SHANK2: variants seen among roughly 807,000 people sequenced by gnomAD.
The protein encoded by SHANK2 is SH3 and multiple ankyrin repeat domains protein 2.
SHANK2 carries 43 observed loss-of-function variants against 133.7 expected under a neutral mutation model. That is an observed-to-expected ratio of 0.32 (90% CI 0.25 to 0.41). The LOEUF is 0.41. SHANK2 is among the 10% of genes least tolerant of loss of function. The pLI is 1.00. For synonymous variants in SHANK2, 1,017 were observed against 952.8 expected (o/e 1.07, Z -1.24); for missense variants, 1,994 against 2,235.8 (o/e 0.89, Z 2.18).
intron 17 of SHANK2, among the ~76,000 whole-genome samples, chr11:70,550,622 C>T (rs1226362444): frequency 2.0e-5 from 3 of 152,188 alleles, no homozygotes; most frequent in East Asian, 3.9e-4. Flanking sequence ...GTCCCGGATT[C>T]GCGTGGGTTG....
chr11:70,495,527 C>T (rs1315104084), intron 21 of SHANK2, among the ~76,000 whole-genome samples: 3 of 152,154 alleles, frequency 2.0e-5, no homozygotes, highest in African/African-American at 7.2e-5. Flanking sequence ...CGCTGGTGGC[C>T]CCCAGAGTAT....
intron 1 of SHANK2, among the ~76,000 whole-genome samples, chr11:71,244,250 A>AC (rs1954931333): frequency 6.6e-6 from 1 of 152,096 alleles, no homozygotes; most frequent in Non-Finnish European, 1.5e-5. Flanking sequence ...ACCATCCTAG[A>AC]CCCCACAATC....
chr11:71,194,073 T>A (rs1032580158), intron 2 of SHANK2, among the ~76,000 whole-genome samples: 1 of 152,158 alleles, frequency 6.6e-6, no homozygotes, highest in African/African-American at 2.4e-5. Flanking sequence ...CGTTCCCATT[T>A]TCCATGGAAA....
At chr11:71,145,817 G>A (rs1189356968) in intron 3 of SHANK2, among the ~76,000 whole-genome samples, 2 of 152,150 alleles carry the variant, frequency 1.3e-5, no homozygotes, top group African/African-American at 2.4e-5. Context: ...CATAGAGGTC[G>A]GGGTGGATGC....
At chr11:70,888,632 C>T (rs1172389345) in intron 11 of SHANK2, among the ~76,000 whole-genome samples, 2 of 152,032 alleles carry the variant, frequency 1.3e-5, no homozygotes, top group African/African-American at 4.8e-5. Flanking sequence ...GCCTGACCAA[C>T]ATGGTGAAAC....
At chr11:70,661,457 A>C in intron 16 of SHANK2, 139 bp downstream of exon 16, 1 of 903,672 alleles carries the variant, frequency 1.1e-6, no homozygotes, top group Non-Finnish European at 1.7e-6. Context: ...ATGCTTATTT[A>C]ATGCTTATTC....
At chr11:70,946,126 G>T (rs1437255267) in intron 10 of SHANK2, among the ~76,000 whole-genome samples, 4 of 64,794 alleles carry the variant, frequency 6.2e-5, no homozygotes, top group Non-Finnish European at 1.2e-4. Context: ...GACACAACCT[G>T]CCTCTCCGCT....
At chr11:70,749,048 G>A (rs995966926) in intron 14 of SHANK2, among the ~76,000 whole-genome samples, 1 of 152,234 alleles carries the variant, frequency 6.6e-6, no homozygotes, top group Non-Finnish European at 1.5e-5. Flanking sequence ...AGAGCAGTCA[G>A]ATGGGCTCAG....
intron 2 of SHANK2, among the ~76,000 whole-genome samples, chr11:71,159,074 T>C (rs1481799486): frequency 6.6e-6 from 1 of 152,238 alleles, no homozygotes. Flanking sequence ...TGTAAGAAGA[T>C]AGCACAGACT....
Position 70,629,378 on chromosome 11 carries a change from CTTGGTGATGAG to C in SHANK2, c.2061+30439_2061+30449del, listed in dbSNP as rs1290279042. On this transcript the variant is annotated intron_variant, in intron 17 of 25. Coordinates refer to ENST00000601538, the MANE Select transcript of SHANK2 (RefSeq NM_012309.5). The stretch of plus-strand genomic sequence containing the variant: ...CAGTTCTCTGTCATTTAACCTAGTG[CTTGGTGATGAG>C]GACACAGAATAGAGTGTGGCTCTGC... Among the ~76,000 whole-genome samples, 253 of 152,362 alleles carry C rather than the reference CTTGGTGATGAG, an allele frequency of 1.7e-3. 3 individuals carry two copies. The highest frequency in any genetic ancestry group is 5.8e-3 in the African/African-American group (241 of 41,582).
At chr11:70,540,608 C>T (rs1456640012) in intron 17 of SHANK2, among the ~76,000 whole-genome samples, 1 of 152,156 alleles carries the variant, frequency 6.6e-6, no homozygotes, top group Non-Finnish European at 1.5e-5. Flanking sequence ...TCAGCCCCAC[C>T]CAGGGCTGCA....
chr11:71,112,849 G>A (rs1463368855), intron 5 of SHANK2, among the ~76,000 whole-genome samples: 1 of 152,068 alleles, frequency 6.6e-6, no homozygotes, highest in Non-Finnish European at 1.5e-5. Context: ...TGAACACTCT[G>A]TGCAACGCCC....
intron 17 of SHANK2, among the ~76,000 whole-genome samples, chr11:70,594,676 G>A (rs781808863): frequency 6.6e-6 from 1 of 152,158 alleles, no homozygotes. Context: ...ACTGGGAACT[G>A]GATAAAAGTT....
intron 11 of SHANK2, chr11:70,864,086 T>G (rs1949308719): frequency 6.3e-6 from 2 of 319,800 alleles, no homozygotes; most frequent in Non-Finnish European, 1.2e-5. Context: ...GACCCTCCAG[T>G]TCGGGGTGCC....
At chr11:70,566,520 GCAT>G (rs1252175857) in intron 17 of SHANK2, 1 of 152,186 alleles carries the variant, frequency 6.6e-6, no homozygotes, top group East Asian at 1.9e-4. Context: ...ATTCGCAGAA[GCAT>G]GGCTCCCACT....
At chr11:70,529,980 G>A (rs1376895755) in intron 17 of SHANK2, among the ~76,000 whole-genome samples, 2 of 152,158 alleles carry the variant, frequency 1.3e-5, no homozygotes, top group African/African-American at 2.4e-5. Flanking sequence ...GTAGGATGGT[G>A]CGGCTGCTAT....
At chr11:70,925,302 A>G (rs939365003) in intron 10 of SHANK2, among the ~76,000 whole-genome samples, 3 of 152,288 alleles carry the variant, frequency 2.0e-5, no homozygotes, top group Middle Eastern at 3.4e-3. Context: ...AGAAAAAAAC[A>G]AGCATTTTTA....
intron 15 of SHANK2, among the ~76,000 whole-genome samples, chr11:70,686,280 A>C (rs1190431603): frequency 1.0e-5 from 1 of 96,596 alleles, no homozygotes; most frequent in Non-Finnish European, 1.9e-5. Context: ...CTCCCTATCT[A>C]TCCAGCCATC....
At position 70,889,195 on chromosome 11, in the gene SHANK2, A is replaced by G. The variant is rs1242449025; in HGVS notation, c.1174+7306T>C. On this transcript the variant is annotated intron_variant, in intron 11 of 25. Transcript: ENST00000601538. ...GGTAGACTCTAAATTCAGAGACTGG[A>G]GTCCGTATAAGGGAAAGGAGTAGGA... Among the ~76,000 whole-genome samples, 5 of 152,182 alleles carry G rather than the reference A, an allele frequency of 3.3e-5. No homozygotes were observed. In the East Asian group the frequency reaches 9.6e-4, roughly 29 times the overall value.
Sources: allele counts gnomAD v4.1 joint callset (sites outside exome capture counted in the v4.1 genomes callset), GRCh38; gene constraint gnomAD v4.1.1; transcripts MANE v1.5; gene names NCBI Gene and HGNC (gene_info 2026-07-23, HGNC 2026-07-21).